Variants in ABCG8 observed in about 807,000 individuals in gnomAD.
The protein encoded by ABCG8 is ATP-binding cassette sub-family G member 8.
Under a neutral mutation model 71.3 loss-of-function variants are expected in ABCG8, and 81 were observed. That is an observed-to-expected ratio of 1.14 (90% CI 0.95 to 1.37). The LOEUF (loss-of-function observed/expected upper bound fraction) is 1.37, where lower values mean the gene tolerates loss of function less well. Ranked by LOEUF, ABCG8 falls within the 40% of genes most tolerant of loss-of-function variation. The pLI, the probability that ABCG8 is intolerant of heterozygous loss-of-function variation, is 0.00. For synonymous variants in ABCG8, 451 were observed against 354.7 expected, an observed-to-expected ratio of 1.27 and a Z score of -3.05; for missense variants, 1,119 against 866.2, an observed-to-expected ratio of 1.29 and a Z score of -3.66.
intron 6 of ABCG8, among the ~76,000 whole-genome samples, chr2:43,855,387 T>C (rs1053249313): frequency 6.6e-6 from 1 of 151,950 alleles, no homozygotes; most frequent in African/African-American, 2.4e-5. Context: ...TCTATCTGGA[T>C]AGAATTCTCA....
rs769213977 is a variant in ABCG8 at position 43,852,780 on chromosome 2, C to A, written c.876C>A (p.Ile292=). Residue 292 remains isoleucine, a synonymous_variant, in exon 6 of 13, where the codon ATC becomes ATA. Transcript: ENST00000272286. ...TCCTGATGACGTCTGGCACCCCCAT[C>A]TACTTAGGGGCGGCCCAGCACATGG... ...LVLLMTSGTP[I]YLGAAQHMVQ... The A allele has an allele frequency of 1.2e-6, 2 of 1,614,048 alleles. No homozygotes were observed. The highest frequency in any genetic ancestry group is 1.7e-5 in the Admixed American group (1 of 60,010).
intron 1 of ABCG8, among the ~76,000 whole-genome samples, chr2:43,843,088 T>G (rs1326260791): frequency 1.3e-5 from 2 of 152,208 alleles, no homozygotes; most frequent in Non-Finnish European, 1.5e-5. Context: ...ATTGTGTACA[T>G]AGTGAAAATA....
At position 43,852,262 on chromosome 2, in the gene ABCG8, G is replaced by A. The variant is rs56260466; in HGVS notation, c.562-92G>A. The A allele has an allele frequency of 0.057, 90,617 of 1,575,964 alleles. 2,789 individuals are homozygous for A. The highest frequency in any genetic ancestry group is 0.08 in the East Asian group (3,583 of 44,680). On this transcript the variant is annotated intron_variant, in intron 4 of 12. Coordinates refer to ENST00000272286, the MANE Select transcript of ABCG8 (RefSeq NM_022437.3). ...TCTCCCTTCACTTTCAAACCCAGCC[G>A]GAGGAGCGGGCGCCTTTATCCTTGG...
intron 6 of ABCG8, among the ~76,000 whole-genome samples, chr2:43,869,953 C>T (rs1428846697): frequency 1.3e-5 from 2 of 150,856 alleles, no homozygotes; most frequent in East Asian, 4.0e-4. Flanking sequence ...CTGTCGATCA[C>T]GTTGGAATTC....
intron 6 of ABCG8, among the ~76,000 whole-genome samples, chr2:43,871,134 T>C (rs79667543): frequency 0.012 from 1,657 of 143,210 alleles, 2 homozygotes; most frequent in South Asian, 0.02. Context: ...CTGGATAGAA[T>C]TCTCACCCTC....
chr2:43,862,323 G>C (rs1483535762), intron 6 of ABCG8, among the ~76,000 whole-genome samples: 1 of 150,070 alleles, frequency 6.7e-6, no homozygotes, highest in African/African-American at 2.4e-5. Flanking sequence ...TATCTATCTG[G>C]ATAGAATTCT....
At position 43,871,955 on chromosome 2, in the gene ABCG8, C is replaced by T. The variant is rs771449085; in HGVS notation, c.965-21C>T. On this transcript the variant is annotated intron_variant, in intron 6 of 12. Transcript: ENST00000272286. Reference sequence around the variant, plus strand: ...GTGCCAGGGAACAGGCCACCTGTGACTCCACATCCCCTGCTTGCAGTGGAC... The same window carrying T: ...GTGCCAGGGAACAGGCCACCTGTGATTCCACATCCCCTGCTTGCAGTGGAC... 1.5e-5 allele frequency: 25 copies of T among 1,613,946 alleles called. No homozygotes were observed. In the East Asian group the frequency reaches 5.1e-4, roughly 33 times the overall value.
chr2:43,862,110 G>C (rs995103218), intron 6 of ABCG8, among the ~76,000 whole-genome samples: 1 of 150,606 alleles, frequency 6.6e-6, no homozygotes, highest in Non-Finnish European at 1.5e-5. Context: ...CTATCTTTCT[G>C]GATAGAACTC....
intron 1 of ABCG8, among the ~76,000 whole-genome samples, chr2:43,839,615 C>G (rs561501753): frequency 6.6e-6 from 1 of 151,812 alleles, no homozygotes; most frequent in Admixed American, 6.6e-5. Context: ...TTAGTAGAGA[C>G]AGTGTTTCAC....
rs201133496 is a variant in ABCG8 at position 43,852,764 on chromosome 2, C to T, written c.860C>T (p.Thr287Met). The T allele has an allele frequency of 2.7e-5, 43 of 1,614,068 alleles. No homozygotes were observed. The highest frequency in any genetic ancestry group is 3.4e-5 in the Non-Finnish European group (40 of 1,180,036). The part of the protein sequence containing the change: ...FRLFDLVLLM[T>M]SGTPIYLGAA... ...CTGTTTGATCTGGTCCTCCTGATGA[C>T]GTCTGGCACCCCCATCTACTTAGGG... Residue 287 changes from threonine (T) to methionine (M), a missense_variant, in exon 6 of 13, where the codon ACG becomes ATG. Thr to Met is a moderately conservative substitution (Grantham distance 81). Transcript: ENST00000272286.
rs1334405907 is a variant in ABCG8, at chr2:43,875,420, C to T, written c.1756+7C>T. 1.2e-6 allele frequency: 2 copies of T among 1,611,484 alleles called. No homozygotes were observed. Among genetic ancestry groups the T allele is most frequent in the Non-Finnish European group, 1.7e-6 (2 of 1,178,370 alleles). On this transcript the variant is annotated splice_region_variant and intron_variant, in intron 11 of 12. Coordinates refer to ENST00000272286, the MANE Select transcript of ABCG8 (RefSeq NM_022437.3). Reference sequence around the variant, plus strand: ...TTGAGCAGCCTGTGGACAGGTAAGGCCTGCCCCCGGGGCCTGGGCCAGCTT... The same window carrying T: ...TTGAGCAGCCTGTGGACAGGTAAGGTCTGCCCCCGGGGCCTGGGCCAGCTT...
chr2:43,866,503 AAAAC>A (rs1278075665), intron 6 of ABCG8, among the ~76,000 whole-genome samples: 110 of 152,212 alleles, frequency 7.2e-4, no homozygotes, highest in Middle Eastern at 3.4e-3. Context: ...TTACAAGAAA[AAAAC>A]AAACAACCCC....
chr2:43,856,371 A>ACT (rs1213353264), intron 6 of ABCG8, among the ~76,000 whole-genome samples: 3 of 150,036 alleles, frequency 2.0e-5, no homozygotes, highest in South Asian at 4.2e-4. Context: ...TCTGGATAGA[A>ACT]CTCTCACTCC....
intron 6 of ABCG8, among the ~76,000 whole-genome samples, chr2:43,859,321 A>T (rs1381235138): frequency 6.6e-6 from 1 of 151,488 alleles, no homozygotes; most frequent in Non-Finnish European, 1.5e-5. Context: ...ATCTGGATAG[A>T]ATTCTCGCCA....
chr2:43,864,575 G>C (rs1159803192), intron 6 of ABCG8, among the ~76,000 whole-genome samples: 2 of 151,864 alleles, frequency 1.3e-5, no homozygotes, highest in Non-Finnish European at 2.9e-5. Flanking sequence ...TATCTGGATA[G>C]AATTCTCACC....
intron 1 of ABCG8, among the ~76,000 whole-genome samples, chr2:43,841,461 A>G (rs1282250617): frequency 3.3e-5 from 5 of 152,248 alleles, no homozygotes; most frequent in Non-Finnish European, 7.3e-5. Context: ...GAGTTTGTCA[A>G]AACCTCAGGA....
In ABCG8 at chr2:43,880,481, T is replaced by A. The variant is rs1328643543; in HGVS notation, c.*2568T>A. On this transcript the variant is annotated 3_prime_UTR_variant, in exon 13 of 13. Coordinates refer to ENST00000272286, the MANE Select transcript of ABCG8 (RefSeq NM_022437.3). ...GACCCACCGCACCTGGTGTCACAGG[T>A]TCATCTTGTATTTTCCCATCTCAGC... is the stretch of plus-strand genomic sequence containing the variant. 1 of 152,048 alleles carries A rather than the reference T, an allele frequency of 6.6e-6. No homozygotes were observed. The highest frequency in any genetic ancestry group is 1.9e-4 in the East Asian group (1 of 5,176). 9.4% of individuals were successfully genotyped at this position (152,048 alleles called of 1,614,324 possible).
intron 6 of ABCG8, among the ~76,000 whole-genome samples, chr2:43,867,911 C>T (rs969787782): frequency 6.6e-6 from 1 of 151,962 alleles, no homozygotes; most frequent in African/African-American, 2.4e-5. Context: ...AGAATTCTGA[C>T]TCGCTGGATA....
rs557503289 is a variant in ABCG8 at position 43,881,880 on chromosome 2, T to C, written c.*3967T>C. 5 of 152,328 alleles carry C rather than the reference T, an allele frequency of 3.3e-5. No homozygotes were observed. The highest frequency in any genetic ancestry group is 2.1e-4 in the South Asian group (1 of 4,826). 9.4% of individuals were successfully genotyped at this position (152,328 alleles called of 1,614,324 possible). ...AATATTTGGGACTTCGTGGGCCTTA[T>C]AGGCTCTGCTGCAATTACTTAACTC... On this transcript the variant is annotated 3_prime_UTR_variant, in exon 13 of 13. Coordinates refer to ENST00000272286, the MANE Select transcript of ABCG8 (RefSeq NM_022437.3).
Sources: allele counts gnomAD v4.1 joint callset (sites outside exome capture counted in the v4.1 genomes callset), GRCh38; gene constraint gnomAD v4.1.1; transcripts MANE v1.5; gene names NCBI Gene and HGNC (gene_info 2026-07-23, HGNC 2026-07-21).